Variants in NEGR1 observed in about 807,000 individuals in gnomAD.
The protein encoded by NEGR1 is neuronal growth regulator 1.
NEGR1 carries 10 observed loss-of-function variants against 40.9 expected under a neutral mutation model. The observed-to-expected ratio is 0.24, with a 90% CI of 0.15 to 0.42. NEGR1 has a LOEUF of 0.42. Among genes scored for constraint, NEGR1 ranks in the 10% least tolerant of loss-of-function variants. The pLI, the probability that NEGR1 is intolerant of heterozygous loss-of-function variation, is 1.00. For missense variants in NEGR1, 352 were observed against 438.9 expected, an observed-to-expected ratio of 0.80 and a Z score of 1.77; for synonymous variants, 185 against 166.8, an observed-to-expected ratio of 1.11 and a Z score of -0.84.
chr1:72,144,406 C>T (rs1304008447), intron 1 of NEGR1, among the ~76,000 whole-genome samples: 1 of 133,714 alleles, frequency 7.5e-6, no homozygotes, highest in Admixed American at 7.4e-5. Context: ...AAAGAGGATG[C>T]AATCATAAAA....
chr1:71,775,276 A>G (rs1005947652), intron 3 of NEGR1, among the ~76,000 whole-genome samples: 1 of 152,160 alleles, frequency 6.6e-6, no homozygotes, highest in Non-Finnish European at 1.5e-5. Flanking sequence ...TACGAAAGAG[A>G]AAATAACCTT....
intron 3 of NEGR1, among the ~76,000 whole-genome samples, chr1:71,742,996 G>A (rs1328757014): frequency 6.6e-6 from 1 of 152,168 alleles, no homozygotes; most frequent in East Asian, 1.9e-4. Flanking sequence ...AGACACAAGA[G>A]AGGTTATCTC....
intron 1 of NEGR1, among the ~76,000 whole-genome samples, chr1:72,210,857 C>T (rs1031009321): frequency 2.0e-5 from 3 of 151,836 alleles, no homozygotes; most frequent in Admixed American, 1.3e-4. Flanking sequence ...TTCACTGATA[C>T]AGTTTGAGAT....
At chr1:71,462,843 T>C (rs569229258) in intron 6 of NEGR1, among the ~76,000 whole-genome samples, 22 of 152,266 alleles carry the variant, frequency 1.4e-4, no homozygotes, top group Non-Finnish European at 3.1e-4. Context: ...TAGAAAGATA[T>C]GTTATGGATG....
At chr1:71,630,370 G>A (rs1335749261) in intron 4 of NEGR1, among the ~76,000 whole-genome samples, 2 of 151,830 alleles carry the variant, frequency 1.3e-5, no homozygotes, top group Non-Finnish European at 2.9e-5. Context: ...TATCATTTTG[G>A]TAAAGTGTTA....
chr1:71,609,439 C>T (rs551450681), intron 5 of NEGR1, among the ~76,000 whole-genome samples: 69 of 135,638 alleles, frequency 5.1e-4, no homozygotes, highest in South Asian at 1.5e-3. Flanking sequence ...GGCGTGAACC[C>T]GGGAGGCGGA....
intron 1 of NEGR1, among the ~76,000 whole-genome samples, chr1:72,029,003 A>T (rs1415862128): frequency 6.6e-6 from 1 of 152,224 alleles, no homozygotes; most frequent in Non-Finnish European, 1.5e-5. Context: ...GTGCGAATAT[A>T]TCTAAAACGC....
intron 6 of NEGR1, among the ~76,000 whole-genome samples, chr1:71,541,427 A>T (rs1647699670): frequency 6.6e-6 from 1 of 151,732 alleles, no homozygotes; most frequent in South Asian, 2.1e-4. Context: ...AAGTAATGAA[A>T]AGGCAGCTTG....
chr1:71,760,137 C>T (rs1655891203), intron 3 of NEGR1, among the ~76,000 whole-genome samples: 1 of 152,078 alleles, frequency 6.6e-6, no homozygotes, highest in Non-Finnish European at 1.5e-5. Flanking sequence ...CCTGCTCTCT[C>T]AGAAAATAAA....
chr1:72,153,157 C>G (rs1200846983), intron 1 of NEGR1, among the ~76,000 whole-genome samples: 1 of 151,794 alleles, frequency 6.6e-6, no homozygotes, highest in Admixed American at 6.6e-5. Context: ...AACAAAAAGG[C>G]ATCCAACTTA....
At chr1:71,718,570 A>T (rs1182064948) in intron 3 of NEGR1, among the ~76,000 whole-genome samples, 1 of 152,236 alleles carries the variant, frequency 6.6e-6, no homozygotes, top group Non-Finnish European at 1.5e-5. Context: ...TACTTGAAAT[A>T]AGACATATTG....
intron 1 of NEGR1, among the ~76,000 whole-genome samples, chr1:72,132,928 T>C (rs552875349): frequency 8.5e-5 from 13 of 152,266 alleles, no homozygotes; most frequent in African/African-American, 2.9e-4. Flanking sequence ...CAAGTTATTC[T>C]TGAGATGCTA....
chr1:72,059,670 AT>A (rs1259546658), intron 1 of NEGR1, among the ~76,000 whole-genome samples: 1 of 151,644 alleles, frequency 6.6e-6, no homozygotes, highest in Admixed American at 6.6e-5. Context: ...TAAAACAGTA[AT>A]TTCCTCTATT....
At chr1:71,698,899 G>C (rs1653582331) in intron 3 of NEGR1, among the ~76,000 whole-genome samples, 1 of 151,738 alleles carries the variant, frequency 6.6e-6, no homozygotes, top group East Asian at 1.9e-4. Flanking sequence ...GAAAATAAAG[G>C]CTCCTTCTTT....
At chr1:71,645,512 C>T (rs989956838) in intron 4 of NEGR1, among the ~76,000 whole-genome samples, 1 of 151,862 alleles carries the variant, frequency 6.6e-6, no homozygotes, top group Non-Finnish European at 1.5e-5. Flanking sequence ...GGATTTTTCT[C>T]ATTCCCACAG....
chr1:71,785,977 A>G (rs903073268), intron 2 of NEGR1, among the ~76,000 whole-genome samples: 1 of 152,228 alleles, frequency 6.6e-6, no homozygotes, highest in Non-Finnish European at 1.5e-5. Flanking sequence ...GCATTTGCAG[A>G]GGAGATGTGT....
At chr1:71,663,069 G>T (rs1049247411) in intron 4 of NEGR1, among the ~76,000 whole-genome samples, 6 of 151,602 alleles carry the variant, frequency 4.0e-5, no homozygotes, top group Non-Finnish European at 5.9e-5. Flanking sequence ...CCATTCTCCT[G>T]CCTCAGCCTC....
intron 1 of NEGR1, among the ~76,000 whole-genome samples, chr1:71,960,271 C>A (rs566210132): frequency 6.6e-6 from 1 of 152,162 alleles, no homozygotes; most frequent in South Asian, 2.1e-4. Flanking sequence ...ATTTATTGAC[C>A]ACTTTCTATG....
chr1:72,049,442 G>C (rs976683412), intron 1 of NEGR1, among the ~76,000 whole-genome samples: 5 of 151,626 alleles, frequency 3.3e-5, no homozygotes, highest in Non-Finnish European at 7.4e-5. Context: ...AGTACAAAGA[G>C]ATATTTCAAT....
Sources: gnomAD v4.1 joint callset for allele counts (sites outside exome capture counted in the v4.1 genomes callset) on GRCh38, gnomAD v4.1.1 for gene constraint, MANE v1.5 for transcripts, NCBI Gene and HGNC (gene_info 2026-07-23, HGNC 2026-07-21) for gene names.